The following DPP6 variants were observed in gnomAD, a reference collection of about 807,000 sequenced individuals.
DPP6 encodes A-type potassium channel modulatory protein DPP6.
In DPP6, 69 loss-of-function variants were observed where a neutral mutation model predicts 122.6. The observed-to-expected ratio is 0.56, with a 90% CI of 0.46 to 0.69. The LOEUF (loss-of-function observed/expected upper bound fraction) is 0.69. DPP6 is among the 30% of genes least tolerant of loss of function. The pLI is 0.00. For missense variants in DPP6, 928 were observed against 1,116.9 expected (o/e 0.83, Z 2.41); for synonymous variants, 418 against 433.1 (o/e 0.97, Z 0.43).
At chr7:154,246,272 A>G (rs1801979083) in intron 1 of DPP6, among the ~76,000 whole-genome samples, 1 of 152,128 alleles carries the variant, frequency 6.6e-6, no homozygotes, top group Non-Finnish European at 1.5e-5. Context: ...TAAAGCTTTC[A>G]TTGTTTAAAT....
intron 6 of DPP6, among the ~76,000 whole-genome samples, chr7:154,666,495 T>A (rs776681736): frequency 3.5e-4 from 53 of 152,212 alleles, no homozygotes; most frequent in Non-Finnish European, 1.8e-4. Flanking sequence ...TTATCTTTTT[T>A]CATTGTGGTA....
chr7:153,777,355 C>T, the DPP6 span, among the ~76,000 whole-genome samples: 3 of 149,534 alleles, frequency 2.0e-5, no homozygotes, highest in Admixed American at 6.7e-5. Context: ...AAACATGTAT[C>T]TCCCACATGG....
rs1795606849 is a variant in DPP6 at position 153,964,978 on chromosome 7, C to CCCTCCCTTCCTTCCTTCCTT, written c.51+77247_51+77248insCCCTTCCTTCCTTCCTTCCT. Among the ~76,000 whole-genome samples, 9 of 71,232 alleles carry CCCTCCCTTCCTTCCTTCCTT rather than the reference C, an allele frequency of 1.3e-4. 1 individual carries two copies. Among genetic ancestry groups the CCCTCCCTTCCTTCCTTCCTT allele is most frequent in the African/African-American group, 8.9e-4 (9 of 10,124 alleles). 46.7% of individuals were successfully genotyped at this position (71,232 alleles called of 152,430 possible). A position where few individuals can be genotyped will look rare whatever the true frequency, so the allele number is the denominator to read the frequency against. ...TCTCTTTCTTTCTTTCATTTCTTTT[C>CCCTCCCTTCCTTCCTTCCTT]CCTTCCTTCCTTCCTTCCTTTCTTC... On this transcript the variant is annotated intron_variant, in intron 1 of 25. Transcript: ENST00000404039.
chr7:153,924,640 T>C (rs1022315818), intron 1 of DPP6, among the ~76,000 whole-genome samples: 2 of 152,160 alleles, frequency 1.3e-5, no homozygotes, highest in Non-Finnish European at 2.9e-5. Flanking sequence ...CTTTGAGAAG[T>C]AGGAGAACAA....
At chr7:153,985,906 T>G (rs1048640424) in intron 1 of DPP6, among the ~76,000 whole-genome samples, 2 of 152,194 alleles carry the variant, frequency 1.3e-5, no homozygotes, top group African/African-American at 4.8e-5. Flanking sequence ...GGGCAACAGT[T>G]TGGGGCCAGG....
intron 1 of DPP6, among the ~76,000 whole-genome samples, chr7:154,105,360 T>G (rs1806082377): frequency 6.6e-6 from 1 of 152,162 alleles, no homozygotes; most frequent in South Asian, 2.1e-4. Flanking sequence ...ACAACTAGCC[T>G]GGGATTCCAG....
At chr7:154,847,083 G>A (rs1296678660) in intron 16 of DPP6, among the ~76,000 whole-genome samples, 3 of 152,184 alleles carry the variant, frequency 2.0e-5, no homozygotes, top group African/African-American at 7.2e-5. Flanking sequence ...TGCAGAGGAT[G>A]CTCTGAGATG....
chr7:154,522,133 TTTG>T (rs1206151784), intron 3 of DPP6, among the ~76,000 whole-genome samples: 3 of 152,028 alleles, frequency 2.0e-5, no homozygotes, highest in African/African-American at 4.8e-5. Flanking sequence ...CCGGCTAATT[TTTG>T]TTGTTGTTGT....
intron 1 of DPP6, among the ~76,000 whole-genome samples, chr7:154,081,334 C>T (rs1239295995): frequency 6.8e-6 from 1 of 146,932 alleles, no homozygotes; most frequent in Non-Finnish European, 1.5e-5. Context: ...CCTTTCAACA[C>T]CTTAGACTCT....
At chr7:154,785,103 C>A (rs1005854590) in intron 10 of DPP6, among the ~76,000 whole-genome samples, 8 of 152,184 alleles carry the variant, frequency 5.3e-5, no homozygotes, top group Non-Finnish European at 7.3e-5. Context: ...TGAAATATTT[C>A]TCCATGACAC....
Position 154,061,989 on chromosome 7 carries a change from C to A in DPP6, c.243+8926C>A, listed in dbSNP as rs565501763. On this transcript the variant is annotated intron_variant, in intron 1 of 25. Coordinates refer to ENST00000377770, the MANE Select transcript of DPP6 (RefSeq NM_130797.4). Reference sequence around the variant, plus strand: ...GACTGAGAGCTATCCCCTCTTCCGCCCCTGGCTGTTGGTACCCCCATCGCA... The same window carrying A: ...GACTGAGAGCTATCCCCTCTTCCGCACCTGGCTGTTGGTACCCCCATCGCA... Among the ~76,000 whole-genome samples the A allele has an allele frequency of 2.6e-3, 348 of 132,404 alleles. 13 individuals are homozygous for A. Among genetic ancestry groups the A allele is most frequent in the African/African-American group, 7.0e-3 (251 of 35,920 alleles). 86.9% of individuals were successfully genotyped at this position (132,404 alleles called of 152,430 possible). A position where few individuals can be genotyped will look rare whatever the true frequency, so the allele number is the denominator to read the frequency against.
intron 1 of DPP6, among the ~76,000 whole-genome samples, chr7:154,166,307 G>T (rs1421045803): frequency 6.6e-6 from 1 of 152,158 alleles, no homozygotes; most frequent in Non-Finnish European, 1.5e-5. Flanking sequence ...GGGAGGGAGG[G>T]CTGTGAAGGG....
the DPP6 span, among the ~76,000 whole-genome samples, chr7:153,836,083 A>T: frequency 6.6e-6 from 1 of 152,128 alleles, no homozygotes; most frequent in Non-Finnish European, 1.5e-5. Context: ...TCCTTATCTG[A>T]TCTCCAAACA....
chr7:154,155,488 G>C (rs1290087669), intron 1 of DPP6, among the ~76,000 whole-genome samples: 3 of 152,160 alleles, frequency 2.0e-5, no homozygotes, highest in Non-Finnish European at 4.4e-5. Flanking sequence ...ACTCTAAACT[G>C]TTAGCCTTCC....
chr7:154,036,235 C>G (rs953733940), intron 1 of DPP6, among the ~76,000 whole-genome samples: 5 of 149,138 alleles, frequency 3.4e-5, no homozygotes. Context: ...CTCAGCCTTG[C>G]CAGTAGCTGG....
intron 1 of DPP6, among the ~76,000 whole-genome samples, chr7:154,432,767 G>A (rs1480015151): frequency 6.6e-6 from 1 of 152,200 alleles, no homozygotes; most frequent in Admixed American, 6.5e-5. Context: ...AGACACGGAA[G>A]TGGGCATCAC....
chr7:154,121,344 G>GT (rs956860896), intron 1 of DPP6, among the ~76,000 whole-genome samples: 53 of 151,790 alleles, frequency 3.5e-4, no homozygotes, highest in African/African-American at 1.3e-3. Flanking sequence ...TGCTAGTTTC[G>GT]TAAGGCAGAG....
At chr7:154,675,056 CAGA>C (rs1838799767) in intron 7 of DPP6, among the ~76,000 whole-genome samples, 1 of 152,186 alleles carries the variant, frequency 6.6e-6, no homozygotes, top group South Asian at 2.1e-4. Flanking sequence ...TAGTTTTCCA[CAGA>C]AGGTCACAGA....
intron 1 of DPP6, among the ~76,000 whole-genome samples, chr7:153,985,368 T>C (rs1259191524): frequency 6.6e-6 from 1 of 152,210 alleles, no homozygotes; most frequent in East Asian, 1.9e-4. Flanking sequence ...GCTCACAGCT[T>C]TAGCATGACA....
Sources: allele counts gnomAD v4.1 joint callset (sites outside exome capture counted in the v4.1 genomes callset), GRCh38; gene constraint gnomAD v4.1.1; transcripts MANE v1.5; gene names NCBI Gene and HGNC (gene_info 2026-07-23, HGNC 2026-07-21).